Variants in CACNB4 observed in about 807,000 individuals in gnomAD.
CACNB4 encodes the protein calcium voltage-gated channel auxiliary subunit beta 4, also known as voltage-dependent L-type calcium channel subunit beta-4.
In CACNB4, 32 loss-of-function variants were observed where a neutral mutation model predicts 71.2. That is an observed-to-expected ratio of 0.45 (90% CI 0.34 to 0.60). The LOEUF is 0.60. Ranked by LOEUF, CACNB4 falls within the 20% of genes least tolerant of loss-of-function variation. The pLI is 0.01. For synonymous variants in CACNB4, 231 were observed against 236.9 expected, an observed-to-expected ratio of 0.97 and a Z score of 0.23; for missense variants, 464 against 647.9, an observed-to-expected ratio of 0.72 and a Z score of 3.08.
chr2:152,012,591 G>A lies in CACNB4; in HGVS notation c.147+85739C>T, dbSNP rs1164348471. Among the ~76,000 whole-genome samples, 6 of 132,350 alleles carry A rather than the reference G, an allele frequency of 4.5e-5. No homozygotes were observed. The East Asian group carries it at 6.2e-4, about 14-fold the overall frequency. 86.8% of individuals were successfully genotyped at this position (132,350 alleles called of 152,430 possible). ...TGTGCTGCAGCCTGGAAGACAGAGC[G>A]ACGCTCCATCTCAAAAAAAAAAAAA... On this transcript the variant is annotated intron_variant, in intron 2 of 13. Transcript: ENST00000539935.
At chr2:151,940,029 AT>A (rs2099863848) in intron 2 of CACNB4, among the ~76,000 whole-genome samples, 1 of 152,220 alleles carries the variant, frequency 6.6e-6, no homozygotes, top group Admixed American at 6.5e-5. Flanking sequence ...ATCTAAAAAA[AT>A]TGTTCTAGCC....
chr2:152,084,933 C>A (rs918972504), intron 2 of CACNB4, among the ~76,000 whole-genome samples: 1 of 151,950 alleles, frequency 6.6e-6, no homozygotes, highest in African/African-American at 2.4e-5. Flanking sequence ...TCAATGTATA[C>A]CCACAGGCTA....
chr2:151,874,713 G>A (rs1041553327), intron 5 of CACNB4, among the ~76,000 whole-genome samples: 2 of 152,182 alleles, frequency 1.3e-5, no homozygotes, highest in African/African-American at 2.4e-5. Flanking sequence ...TGAGGGTCAA[G>A]AGAAAGAGCT....
intron 2 of CACNB4, among the ~76,000 whole-genome samples, chr2:152,000,709 C>T (rs1156450743): frequency 6.6e-6 from 1 of 152,180 alleles, no homozygotes; most frequent in Admixed American, 6.5e-5. Flanking sequence ...ATTTACTTTT[C>T]GTATATCCAA....
chr2:152,069,821 C>T (rs1686568908), intron 2 of CACNB4, among the ~76,000 whole-genome samples: 1 of 146,296 alleles, frequency 6.8e-6, no homozygotes, highest in African/African-American at 2.5e-5. Flanking sequence ...TTTGATAGAA[C>T]AACGACTTCA....
intron 2 of CACNB4, among the ~76,000 whole-genome samples, chr2:152,074,244 C>G (rs939872729): frequency 6.6e-6 from 1 of 151,836 alleles, no homozygotes; most frequent in Non-Finnish European, 1.5e-5. Flanking sequence ...CTACCATCAG[C>G]ACCCCCCCAT....
chr2:152,061,641 C>CAAAA (rs57640851), intron 2 of CACNB4, among the ~76,000 whole-genome samples: 2 of 132,474 alleles, frequency 1.5e-5, no homozygotes. Context: ...CTTCTCAAAG[C>CAAAA]AAAAAAAAAA....
In CACNB4 at chr2:151,853,537, G is replaced by C. The variant is rs1328517680; in HGVS notation, c.1027C>G (p.Gln343Glu). ...TTTCCTCTAGATTTAATCAACCGCTGTAAAACCTGATAGAAGAAGACATGA... is the reference window on the plus strand; with the variant it reads ...TTTCCTCTAGATTTAATCAACCGCTCTAAAACCTGATAGAAGAAGACATGA... ...HVKVSSPKVLQRLIKSRGKSQ... is the reference protein window; with the variant it reads ...HVKVSSPKVLERLIKSRGKSQ... Residue 343 changes from glutamine (Q) to glutamate (E), a missense_variant, in exon 12 of 14, where the codon CAG becomes GAG. By Grantham distance (29) the Gln-to-Glu change is conservative. Around this residue, in one of 3 missense-constraint regions of CACNB4, gnomAD observed 299 missense variants for 471.7 expected, o/e 0.63. Transcript: ENST00000539935. 16 of 1,574,604 alleles carry C rather than the reference G, an allele frequency of 1.0e-5. No individual in the cohort carries two copies. Among genetic ancestry groups the C allele is most frequent in the African/African-American group, 1.4e-5 (1 of 73,766 alleles).
chr2:152,077,997 G>A (rs1422556235), intron 2 of CACNB4, among the ~76,000 whole-genome samples: 1 of 152,174 alleles, frequency 6.6e-6, no homozygotes, highest in African/African-American at 2.4e-5. Flanking sequence ...GACAGAGGGA[G>A]ATTCTTTCAG....
intron 10 of CACNB4, chr2:151,859,232 A>G (rs2099841044): frequency 6.6e-6 from 1 of 152,272 alleles, no homozygotes; most frequent in Admixed American, 6.5e-5. Flanking sequence ...TGTTTACACT[A>G]ACATGCCCCC....
chr2:151,858,386 C>A (rs1253750955), intron 10 of CACNB4: 1 of 152,214 alleles, frequency 6.6e-6, no homozygotes, highest in Non-Finnish European at 1.5e-5. Context: ...AAAGTGAGTA[C>A]TCTGGAACAA....
At chr2:152,084,710 A>C (rs955387246) in intron 2 of CACNB4, among the ~76,000 whole-genome samples, 2 of 152,024 alleles carry the variant, frequency 1.3e-5, no homozygotes, top group East Asian at 1.9e-4. Context: ...CCTAGGCTCA[A>C]GCAATCCGCC....
rs2099834943 is a variant in CACNB4 at position 151,836,565 on chromosome 2, A to G, written c.*2554T>C. ...ATTTAAATATATCCATCAATAAAAT[A>G]TACATTATACCCTTTCCAAGATTGT... On this transcript the variant is annotated 3_prime_UTR_variant, in exon 14 of 14. Coordinates refer to ENST00000539935, the MANE Select transcript of CACNB4 (RefSeq NM_000726.5). 2 of 151,960 alleles carry G rather than the reference A, an allele frequency of 1.3e-5. No individual in the cohort carries two copies. Among genetic ancestry groups the G allele is most frequent in the Non-Finnish European group, 2.9e-5 (2 of 67,820 alleles). The allele number at this position is 151,960 out of a possible 1,614,324, so 9.4% of individuals were successfully genotyped here.
chr2:152,074,721 CA>C (rs1286790869), intron 2 of CACNB4, among the ~76,000 whole-genome samples: 1 of 145,062 alleles, frequency 6.9e-6, no homozygotes, highest in Non-Finnish European at 1.5e-5. Context: ...CTATCATCAC[CA>C]TCACCCCCTC....
intron 2 of CACNB4, among the ~76,000 whole-genome samples, chr2:152,035,564 T>C (rs1431207911): frequency 6.6e-6 from 1 of 151,088 alleles, no homozygotes; most frequent in Non-Finnish European, 1.5e-5. Context: ...CGTCTCTCTC[T>C]CTCTTTCTCT....
rs1011810453 is a variant in CACNB4, at chr2:152,087,839, T to G, written c.147+10491A>C. Among the ~76,000 whole-genome samples, 4 of 152,150 alleles carry G rather than the reference T, an allele frequency of 2.6e-5. No individual in the cohort carries two copies. The East Asian group carries it at 7.7e-4, about 29-fold the overall frequency. ...GTTCGAGGCTGCAGTGAGTTGTGATTGTGCCACTGCACTCCAGCCTGGGTG... is the reference window on the plus strand; with the variant it reads ...GTTCGAGGCTGCAGTGAGTTGTGATGGTGCCACTGCACTCCAGCCTGGGTG... On this transcript the variant is annotated intron_variant, in intron 2 of 13. Transcript: ENST00000539935.
chr2:151,934,476 G>A (rs1014534913), intron 2 of CACNB4, among the ~76,000 whole-genome samples: 2 of 152,192 alleles, frequency 1.3e-5, no homozygotes, highest in African/African-American at 4.8e-5. Flanking sequence ...CTTTACAAAG[G>A]TTCAAAGACA....
At chr2:152,004,189 A>G (rs1183724121) in intron 2 of CACNB4, among the ~76,000 whole-genome samples, 1 of 152,164 alleles carries the variant, frequency 6.6e-6, no homozygotes, top group African/African-American at 2.4e-5. Context: ...TATATCCTGA[A>G]TAAGTAAGTC....
At chr2:152,029,271 G>C (rs1684135232) in intron 2 of CACNB4, among the ~76,000 whole-genome samples, 1 of 151,972 alleles carries the variant, frequency 6.6e-6, no homozygotes, top group African/African-American at 2.4e-5. Context: ...GAGGTGGGCG[G>C]ATCACGAGGT....
Sources: gnomAD v4.1 joint callset for allele counts (sites outside exome capture counted in the v4.1 genomes callset) on GRCh38, gnomAD v4.1.1 for gene constraint, gnomAD v4.1.1 regional missense constraint, MANE v1.5 for transcripts, NCBI Gene and HGNC (gene_info 2026-07-23, HGNC 2026-07-21) for gene names.